CFAP20DC: variants seen among roughly 807,000 people sequenced by gnomAD.
CFAP20DC encodes the protein CFAP20 domain containing.
In CFAP20DC, 84 loss-of-function variants were observed where a neutral mutation model predicts 101.7. The ratio of observed to expected loss-of-function variants is 0.83; its 90% CI spans 0.69 to 0.99. The LOEUF is 0.99. Among genes scored for constraint, CFAP20DC ranks in the 50% least tolerant of loss-of-function variants. The pLI is 0.00. For synonymous variants in CFAP20DC, 359 were observed against 351.2 expected, an observed-to-expected ratio of 1.02 and a Z score of -0.25; for missense variants, 1,007 against 970.3, an observed-to-expected ratio of 1.04 and a Z score of -0.50.
intron 15 of CFAP20DC, among the ~76,000 whole-genome samples, chr3:58,798,490 T>G (rs2073422125): frequency 6.6e-6 from 1 of 152,240 alleles, no homozygotes; most frequent in Non-Finnish European, 1.5e-5. Context: ...GAAAGTGGTT[T>G]CTTGAAATGA....
At chr3:58,805,315 G>A (rs1398651840) in intron 15 of CFAP20DC, among the ~76,000 whole-genome samples, 1 of 152,194 alleles carries the variant, frequency 6.6e-6, no homozygotes, top group African/African-American at 2.4e-5. Context: ...AAGCAGAGAT[G>A]GAGTGAAGAG....
chr3:59,041,150 A>G (rs1399351969), intron 3 of CFAP20DC, among the ~76,000 whole-genome samples: 1 of 152,088 alleles, frequency 6.6e-6, no homozygotes, highest in Non-Finnish European at 1.5e-5. Context: ...CTGTAAATAG[A>G]GCTGAGAGAA....
Position 59,007,312 on chromosome 3 carries a change from A to G in CFAP20DC, c.278+32245T>C, listed in dbSNP as rs373652002. On this transcript the variant is annotated intron_variant, in intron 4 of 16. Transcript: ENST00000482387. This position sits in a 1 kb window ranked among gnomAD's most constrained non-coding sequence, Gnocchi z 4.4. ...TCTTGGGAGCTTTGTGGCTCTGCCCATCACCTAAGAAACCAGAATACTTCC... is the reference window on the plus strand; with the variant it reads ...TCTTGGGAGCTTTGTGGCTCTGCCCGTCACCTAAGAAACCAGAATACTTCC... Among the ~76,000 whole-genome samples, 2 of 152,166 alleles carry G rather than the reference A, an allele frequency of 1.3e-5. No homozygotes were observed. The highest frequency in any genetic ancestry group is 2.1e-4 in the South Asian group (1 of 4,828).
rs34030341 is a variant in CFAP20DC, at chr3:58,971,864, TAC to T, written c.279-34104_279-34103del. ...CTGTAATATCATACACACGCACACA[TAC>T]ACACACACACACACACACACACACA... is the stretch of plus-strand genomic sequence containing the variant. On this transcript the variant is annotated intron_variant, in intron 4 of 16. Coordinates refer to ENST00000482387, the MANE Select transcript of CFAP20DC (RefSeq NM_001394063.1). This position sits in a 1 kb window ranked among gnomAD's most constrained non-coding sequence, Gnocchi z 4.1. Among the ~76,000 whole-genome samples, 3,388 of 141,736 alleles carry T rather than the reference TAC, an allele frequency of 0.024. 75 individuals carry two copies. The highest frequency in any genetic ancestry group is 0.067 in the African/African-American group (2,629 of 39,414). 93.0% of individuals were successfully genotyped at this position (141,736 alleles called of 152,430 possible).
At chr3:58,794,768 C>T (rs993790437) in intron 15 of CFAP20DC, among the ~76,000 whole-genome samples, 4 of 152,166 alleles carry the variant, frequency 2.6e-5, no homozygotes, top group African/African-American at 7.2e-5. Context: ...CACACACTGC[C>T]TAATGACATG....
intron 4 of CFAP20DC, among the ~76,000 whole-genome samples, chr3:58,996,569 A>G (rs1013579239): frequency 6.6e-6 from 1 of 152,368 alleles, no homozygotes. Context: ...AGGTCAGAGT[A>G]TATAAACAAA....
rs1416037514 is a variant in CFAP20DC, at chr3:58,845,499, G to T, written c.1971+3533C>A. Among the ~76,000 whole-genome samples the T allele has an allele frequency of 4.1e-4, 62 of 149,740 alleles. No homozygotes were observed. In the Middle Eastern group the frequency reaches 0.014, roughly 34 times the overall value. ...ATCTCTGAATAGACCAATAACAGGAGCTGAAATTGTGGCAATAATCAATAG... is the reference window on the plus strand; with the variant it reads ...ATCTCTGAATAGACCAATAACAGGATCTGAAATTGTGGCAATAATCAATAG... On this transcript the variant is annotated intron_variant, in intron 13 of 16. Transcript: ENST00000482387.
At chr3:58,835,037 G>C (rs1451269851) in intron 13 of CFAP20DC, among the ~76,000 whole-genome samples, 1 of 152,112 alleles carries the variant, frequency 6.6e-6, no homozygotes, top group East Asian at 1.9e-4. Flanking sequence ...AGACTGCTGA[G>C]TTGGCAGTCA....
In CFAP20DC at chr3:59,049,737, G is replaced by T; in HGVS notation, c.-106C>A. On this transcript the variant is annotated 5_prime_UTR_variant, in exon 1 of 17. Transcript: ENST00000482387. ...GCTGGCGGGAACCCAGGAGCCCGAC[G>T]GGTGGGAAAGGGCTTCGTGCTTGGC... 1 of 1,345,024 alleles carries T rather than the reference G, an allele frequency of 7.4e-7. No individual in the cohort carries two copies. The highest frequency in any genetic ancestry group is 1.0e-6 in the Non-Finnish European group (1 of 992,080). 83.3% of individuals were successfully genotyped at this position (1,345,024 alleles called of 1,614,324 possible).
In CFAP20DC at chr3:58,780,533, TG is replaced by T. The variant is rs1448243376; in HGVS notation, c.2237+25861del. On this transcript the variant is annotated intron_variant, in intron 15 of 16. Coordinates refer to ENST00000482387, the MANE Select transcript of CFAP20DC (RefSeq NM_001394063.1). ...TAAAAAAAAAGATCCAAGTATATGC[TG>T]CCTACAAGAATCTCATCTTATCTGT... 2.6e-5 allele frequency among the ~76,000 whole-genome samples: 4 copies of T among 152,072 alleles called. No individual in the cohort carries two copies. In the East Asian group the frequency reaches 7.7e-4, roughly 29 times the overall value.
rs1160544221 is a variant in CFAP20DC at position 58,724,656 on chromosome 3, C to T, written c.198-7028G>A. Reference sequence around the variant, plus strand: ...CGCCCGGAACATCTGCTTCTTAGATCTAAGTGATTGTACTGAATATATAGC... The same window carrying T: ...CGCCCGGAACATCTGCTTCTTAGATTTAAGTGATTGTACTGAATATATAGC... On this transcript the variant is annotated intron_variant, in intron 3 of 3. Coordinates refer to the CFAP20DC transcript ENST00000486145. This position sits in a 1 kb window ranked among gnomAD's most constrained non-coding sequence, Gnocchi z 5.6. 6.6e-6 allele frequency among the ~76,000 whole-genome samples: 1 copy of T among 152,228 alleles called. No individual in the cohort carries two copies.
intron 13 of CFAP20DC, among the ~76,000 whole-genome samples, chr3:58,845,582 G>A (rs1211082133): frequency 6.6e-6 from 1 of 152,038 alleles, no homozygotes; most frequent in Admixed American, 6.5e-5. Context: ...TCTACCAGAG[G>A]TACAAGGAGG....
At chr3:58,811,557 A>C (rs967637726) in intron 14 of CFAP20DC, among the ~76,000 whole-genome samples, 6 of 152,294 alleles carry the variant, frequency 3.9e-5, no homozygotes, top group Admixed American at 3.3e-4. Flanking sequence ...AATTAATTCA[A>C]GATGGATTAA....
chr3:58,949,565 T>C (rs999556663), intron 4 of CFAP20DC, among the ~76,000 whole-genome samples: 3 of 152,168 alleles, frequency 2.0e-5, no homozygotes, highest in Admixed American at 2.0e-4. Context: ...CAGGAGCAGG[T>C]TGTTCAGTTT....
intron 15 of CFAP20DC, among the ~76,000 whole-genome samples, chr3:58,765,956 A>C (rs1268172322): frequency 6.6e-6 from 1 of 152,188 alleles, no homozygotes; most frequent in Non-Finnish European, 1.5e-5. Context: ...ATATATACAT[A>C]AATATCAAAT....
Position 58,913,835 on chromosome 3 carries a change from T to C in CFAP20DC, c.423A>G (p.Ala141=). The part of the protein sequence containing the change: ...IWCNLCIDLV[A]FTSEIFKGAV... ...CCCCCTTGAATATTTCACTGGTGAA[T>C]GCTACTAAGTCAATGCATAGATTGC... The change falls in exon 6 of 17, where the codon GCA becomes GCG. Residue 141 remains alanine, a synonymous_variant. Transcript: ENST00000482387. The surrounding 1 kb of genome is among the most constrained non-coding windows in gnomAD (Gnocchi z 4.4). 1.2e-6 allele frequency: 2 copies of C among 1,613,594 alleles called. No individual in the cohort carries two copies. The highest frequency in any genetic ancestry group is 2.2e-5 in the South Asian group (2 of 91,064).
Position 58,788,493 on chromosome 3 carries a change from G to A in CFAP20DC, c.2237+17902C>T, listed in dbSNP as rs147613782. 2.9e-3 allele frequency among the ~76,000 whole-genome samples: 447 copies of A among 152,238 alleles called. 1 individual carries two copies. Among genetic ancestry groups the A allele is most frequent in the Non-Finnish European group, 5.1e-3 (346 of 68,000 alleles). ...AGTTTATCACCTCAACTTCTAGCACGACTTTCCTAAATCTCAGCAAGACGT... is the reference window on the plus strand; with the variant it reads ...AGTTTATCACCTCAACTTCTAGCACAACTTTCCTAAATCTCAGCAAGACGT... On this transcript the variant is annotated intron_variant, in intron 15 of 16. Coordinates refer to ENST00000482387, the MANE Select transcript of CFAP20DC (RefSeq NM_001394063.1). This position sits in a 1 kb window ranked among gnomAD's most constrained non-coding sequence, Gnocchi z 4.2.
intron 13 of CFAP20DC, among the ~76,000 whole-genome samples, chr3:58,845,266 C>G (rs1054858238): frequency 4.6e-5 from 7 of 150,660 alleles, no homozygotes; most frequent in African/African-American, 1.7e-4. Context: ...AGACCTCTAG[C>G]AAGACTAATA....
chr3:58,972,999 A>G lies in CFAP20DC; in HGVS notation c.279-35237T>C, dbSNP rs540183848. 2.0e-5 allele frequency among the ~76,000 whole-genome samples: 3 copies of G among 152,332 alleles called. No individual in the cohort carries two copies. In the South Asian group the frequency reaches 6.2e-4, roughly 32 times the overall value. ...AAAACTGGATTTACATATTATTTAAACAATATTTGGGGATGAATTAAAATA... is the reference window on the plus strand; with the variant it reads ...AAAACTGGATTTACATATTATTTAAGCAATATTTGGGGATGAATTAAAATA... On this transcript the variant is annotated intron_variant, in intron 4 of 16. Transcript: ENST00000482387.
Sources: gnomAD v4.1 joint callset for allele counts (sites outside exome capture counted in the v4.1 genomes callset) on GRCh38, gnomAD v4.1.1 for gene constraint, Gnocchi (gnomAD v3.1) non-coding constraint, MANE v1.5 for transcripts, NCBI Gene and HGNC (gene_info 2026-07-23, HGNC 2026-07-21) for gene names.